OR1C1: variants seen among roughly 807,000 people sequenced by gnomAD.
OR1C1 encodes olfactory receptor family 1 subfamily C member 1.
For missense variants in OR1C1, 407 were observed against 384.3 expected, an observed-to-expected ratio of 1.06 and a Z score of -0.49; for synonymous variants, 153 against 154.6, an observed-to-expected ratio of 0.99 and a Z score of 0.08.
chr1:247,760,204 G>A (rs1040648494), intron 1 of OR1C1, among the ~76,000 whole-genome samples: 2 of 152,142 alleles, frequency 1.3e-5, no homozygotes, highest in African/African-American at 4.8e-5. Flanking sequence ...GAATATATGA[G>A]TTTTGCAAGA....
rs554796998 is a variant in OR1C1 at position 247,758,038 on chromosome 1, A to G, written c.369T>C (p.Tyr123=). Residue 123 remains tyrosine (Y), a synonymous_variant, in exon 2 of 2, where the codon TAT becomes TAC. Coordinates refer to ENST00000641256, the MANE Select transcript of OR1C1 (RefSeq NM_012353.3). Reference sequence around the variant, plus strand: ...AATGTAAGGGGTGGCAAATCGCCACATATCTATCATACGCCATCACACACA... The same window carrying G: ...AATGTAAGGGGTGGCAAATCGCCACGTATCTATCATACGCCATCACACACA... ...LLLCVMAYDR[Y]VAICHPLHYT... is the part of the protein sequence containing the mutation. 4 of 1,614,018 alleles carry G rather than the reference A, an allele frequency of 2.5e-6. No homozygotes were observed. Among genetic ancestry groups the G allele is most frequent in the Non-Finnish European group, 3.4e-6 (4 of 1,180,010 alleles).
Position 247,757,827 on chromosome 1 carries a change from A to C in OR1C1, c.580T>G (p.Phe194Val), listed in dbSNP as rs1420773062. The change falls in exon 2 of 2, where the codon TTC becomes GTC. Residue 194 changes from phenylalanine to valine, a missense_variant. Physicochemically the swap from Phe to Val is conservative, Grantham distance 50 (BLOSUM62 -1). Coordinates refer to ENST00000641256, the MANE Select transcript of OR1C1 (RefSeq NM_012353.3). ...ACTGCAAAAATGATCATTACATTGA[A>C]GGAGACGTCAGAGCAAGAGAGCTGC... ...LLQLSCSDVSFNVMIIFAVGG... is the reference protein window; with the variant it reads ...LLQLSCSDVSVNVMIIFAVGG... 1.2e-6 allele frequency: 2 copies of C among 1,613,908 alleles called. No homozygotes were observed. Among genetic ancestry groups the C allele is most frequent in the African/African-American group, 2.7e-5 (2 of 74,942 alleles).
chr1:247,759,841 G>A (rs1661297968), intron 1 of OR1C1, among the ~76,000 whole-genome samples: 1 of 152,148 alleles, frequency 6.6e-6, no homozygotes, highest in African/African-American at 2.4e-5. Context: ...AAGCATGTCA[G>A]GATAAAATCT....
At chr1:247,760,045 A>G (rs1323586977) in intron 1 of OR1C1, among the ~76,000 whole-genome samples, 1 of 152,200 alleles carries the variant, frequency 6.6e-6, no homozygotes, top group Non-Finnish European at 1.5e-5. Flanking sequence ...AGTTAGTGAA[A>G]TTTTAAGGAA....
Position 247,759,521 on chromosome 1 carries a change from T to C in OR1C1, c.-14+891A>G, listed in dbSNP as rs532924744. On this transcript the variant is annotated intron_variant, in intron 1 of 1. Coordinates refer to ENST00000641256, the MANE Select transcript of OR1C1 (RefSeq NM_012353.3). ...TGTAGAAGTGGGAAGAGATTTGGAA[T>C]TTTTAGTCCAAGTATCATTATTTTC... is the stretch of plus-strand genomic sequence containing the variant. Among the ~76,000 whole-genome samples, 5 of 152,352 alleles carry C rather than the reference T, an allele frequency of 3.3e-5. No individual in the cohort carries two copies. The East Asian group carries it at 9.6e-4, about 29-fold the overall frequency.
Position 247,757,981 on chromosome 1 carries a change from G to T in OR1C1, c.426C>A (p.Val142=), listed in dbSNP as rs1423894832. The T allele has an allele frequency of 6.2e-7, 1 of 1,613,964 alleles. No homozygotes were observed. Among genetic ancestry groups the T allele is most frequent in the Non-Finnish European group, 8.5e-7 (1 of 1,180,022 alleles). The part of the protein sequence containing the change: ...YTARMNLCLC[V]QLVAGLWLVT... The stretch of plus-strand genomic sequence containing the variant: ...CAAGCCACAGTCCAGCCACTAGCTG[G>T]ACACAAAGGCACAGGTTCATTCTGG... Residue 142 remains valine (V), a synonymous_variant, in exon 2 of 2, where the codon GTC becomes GTA. Transcript: ENST00000641256.
rs1661193054 is a variant in OR1C1, at chr1:247,755,376, A to C, written c.*2086T>G. On this transcript the variant is annotated 3_prime_UTR_variant, in exon 2 of 2. Coordinates refer to ENST00000641256, the MANE Select transcript of OR1C1 (RefSeq NM_012353.3). Reference sequence around the variant, plus strand: ...CCAACAGAATGAAGAGATGACCTACAAAATGGGAGAAAATATTTGCAAATC... The same window carrying C: ...CCAACAGAATGAAGAGATGACCTACCAAATGGGAGAAAATATTTGCAAATC... The C allele has an allele frequency of 6.6e-6, 1 of 152,200 alleles. No homozygotes were observed. The allele number at this position is 152,200 out of a possible 1,614,324, so 9.4% of individuals were successfully genotyped here.
At chr1:247,759,236 A>T (rs1439043769) in intron 1 of OR1C1, among the ~76,000 whole-genome samples, 1 of 152,224 alleles carries the variant, frequency 6.6e-6, no homozygotes, top group East Asian at 1.9e-4. Context: ...CAAATTATAC[A>T]AAGTGTTGTA....
rs965114810 is a variant in OR1C1, at chr1:247,757,291, A to G, written c.*171T>C. 35 of 588,510 alleles carry G rather than the reference A, an allele frequency of 5.9e-5. No homozygotes were observed. The highest frequency in any genetic ancestry group is 8.4e-5 in the Non-Finnish European group (28 of 332,382). The allele number at this position is 588,510 out of a possible 1,614,324, so 36.5% of individuals were successfully genotyped here. Reference sequence around the variant, plus strand: ...ATAAAGAATGCTATATGGTTTTTATATATTTACTCAGAGGATTTAATGTGA... The same window carrying G: ...ATAAAGAATGCTATATGGTTTTTATGTATTTACTCAGAGGATTTAATGTGA... On this transcript the variant is annotated 3_prime_UTR_variant, in exon 2 of 2. Coordinates refer to ENST00000641256, the MANE Select transcript of OR1C1 (RefSeq NM_012353.3).
chr1:247,757,558 C>T lies in OR1C1; in HGVS notation c.849G>A (p.Pro283=), dbSNP rs185251055. ...LSTIMYSMVA[P]MLNPFIYTLR... is the part of the protein sequence containing the mutation. ...GGGTATAGATGAAAGGATTCAGCAT[C>T]GGAGCCACCATTGAATACATGATGG... Residue 283 remains proline (P), a synonymous_variant, in exon 2 of 2, where the codon CCG becomes CCA. Transcript: ENST00000641256. The T allele has an allele frequency of 1.7e-4, 273 of 1,614,026 alleles. 1 individual carries two copies. The African/African-American group carries it at 3.1e-3, about 18-fold the overall frequency.
chr1:247,759,641 T>C (rs1661294583), intron 1 of OR1C1, among the ~76,000 whole-genome samples: 1 of 152,196 alleles, frequency 6.6e-6, no homozygotes, highest in Non-Finnish European at 1.5e-5. Context: ...CTAGATAATA[T>C]ACATGTTCTG....
rs768829200 is a variant in OR1C1 at position 247,756,719 on chromosome 1, C to T, written c.*743G>A. 1.3e-5 allele frequency: 2 copies of T among 152,114 alleles called. No homozygotes were observed. The highest frequency in any genetic ancestry group is 2.9e-5 in the Non-Finnish European group (2 of 68,018). 9.4% of individuals were successfully genotyped at this position (152,114 alleles called of 1,614,324 possible). ...AAAACCCAAGGGATTGGGCATGAGG[C>T]TTTGTTTTGAAAGAAGTTAATGTAT... On this transcript the variant is annotated 3_prime_UTR_variant, in exon 2 of 2. Coordinates refer to ENST00000641256, the MANE Select transcript of OR1C1 (RefSeq NM_012353.3). The surrounding 1 kb of genome is among the most constrained non-coding windows in gnomAD (Gnocchi z 4.3).
In OR1C1 at chr1:247,757,994, A is replaced by G; in HGVS notation, c.413T>C (p.Leu138Pro). 6.2e-7 allele frequency: 1 copy of G among 1,614,162 alleles called. No individual in the cohort carries two copies. Among genetic ancestry groups the G allele is most frequent in the Middle Eastern group, 1.6e-4 (1 of 6,062 alleles). Reference protein sequence around the residue: ...HPLHYTARMNLCLCVQLVAGL... With the variant: ...HPLHYTARMNPCLCVQLVAGL... ...AGCCACTAGCTGGACACAAAGGCAC[A>G]GGTTCATTCTGGCGGTGTAATGTAA... The change falls in exon 2 of 2, where the codon CTG (leucine) becomes CCG (proline). Residue 138 changes from leucine (L) to proline (P), a missense_variant. Leu to Pro is a moderately conservative substitution (Grantham distance 98). Coordinates refer to ENST00000641256, the MANE Select transcript of OR1C1 (RefSeq NM_012353.3).
In OR1C1 at chr1:247,757,657, C is replaced by T; in HGVS notation, c.750G>A (p.Leu250=). The T allele has an allele frequency of 1.2e-6, 2 of 1,614,064 alleles. No individual in the cohort carries two copies. The highest frequency in any genetic ancestry group is 1.1e-5 in the South Asian group (1 of 91,078). The change falls in exon 2 of 2, where the codon TTG becomes TTA. Residue 250 remains leucine, a synonymous_variant. Coordinates refer to ENST00000641256, the MANE Select transcript of OR1C1 (RefSeq NM_012353.3). The part of the protein sequence containing the change: ...TCSCHLSVVV[L]FYGTAIAVYF... Reference sequence around the variant, plus strand: ...AGACGGCGATGGCTGTGCCGTAAAACAACACCACCACTGACAGGTGGCAGC... The same window carrying T: ...AGACGGCGATGGCTGTGCCGTAAAATAACACCACCACTGACAGGTGGCAGC...
chr1:247,760,096 C>T lies in OR1C1; in HGVS notation c.-14+316G>A, dbSNP rs1416679302. Among the ~76,000 whole-genome samples the T allele has an allele frequency of 3.3e-5, 5 of 152,258 alleles. No homozygotes were observed. In the East Asian group the frequency reaches 9.6e-4, roughly 29 times the overall value. On this transcript the variant is annotated intron_variant, in intron 1 of 1. Transcript: ENST00000641256. The stretch of plus-strand genomic sequence containing the variant: ...TATATTGAATCCTTAGGATATAACA[C>T]ATATATGCACGTAGTTTGCACAGAG...
In OR1C1 at chr1:247,758,137, C is replaced by T; in HGVS notation, c.270G>A (p.Lys90=). 1 of 1,614,034 alleles carries T rather than the reference C, an allele frequency of 6.2e-7. No homozygotes were observed. The highest frequency in any genetic ancestry group is 8.5e-7 in the Non-Finnish European group (1 of 1,179,978). The part of the protein sequence containing the change: ...QMVVNILTGT[K]TISFAGCLTQ... ...TGAGGCAGCCTGCAAAAGAGATAGTCTTGGTGCCAGTCAAGATATTCACTA... is the reference window on the plus strand; with the variant it reads ...TGAGGCAGCCTGCAAAAGAGATAGTTTTGGTGCCAGTCAAGATATTCACTA... The change falls in exon 2 of 2, where the codon AAG becomes AAA. Residue 90 remains lysine (K), a synonymous_variant. Coordinates refer to ENST00000641256, the MANE Select transcript of OR1C1 (RefSeq NM_012353.3).
At position 247,754,902 on chromosome 1, in the gene OR1C1, T is replaced by C. The variant is rs1661183230; in HGVS notation, c.*2560A>G. 1 of 152,180 alleles carries C rather than the reference T, an allele frequency of 6.6e-6. No individual in the cohort carries two copies. The highest frequency in any genetic ancestry group is 2.4e-5 in the African/African-American group (1 of 41,456). 9.4% of individuals were successfully genotyped at this position (152,180 alleles called of 1,614,324 possible). ...AAAACATCCCTGTGTACTCCATAAG[T>C]GTGTATGATTATTTTATGCCAATTA... On this transcript the variant is annotated 3_prime_UTR_variant, in exon 2 of 2. Transcript: ENST00000641256.
rs1372039161 is a variant in OR1C1, at chr1:247,757,739, G to A, written c.668C>T (p.Ser223Phe). Residue 223 changes from serine (S) to phenylalanine (F), a missense_variant, in exon 2 of 2, where the codon TCC (serine) becomes TTC (phenylalanine). Coordinates refer to ENST00000641256, the MANE Select transcript of OR1C1 (RefSeq NM_012353.3). ...CILVSYGLIFSTVLKITSTQG... is the reference protein window; with the variant it reads ...CILVSYGLIFFTVLKITSTQG... ...AGTAGAGGTGATCTTCAGAACAGTG[G>A]AGAAGATAAGTCCATAAGATACGAG... The A allele has an allele frequency of 6.2e-7, 1 of 1,613,942 alleles. No homozygotes were observed. Among genetic ancestry groups the A allele is most frequent in the Non-Finnish European group, 8.5e-7 (1 of 1,179,998 alleles).
At position 247,758,101 on chromosome 1, in the gene OR1C1, G is replaced by T; in HGVS notation, c.306C>A (p.Phe102Leu). ...ISFAGCLTQLFFFVSFVNMDS... is the reference protein window; with the variant it reads ...ISFAGCLTQLLFFVSFVNMDS... ...CCATATTCACAAAAGAAACGAAGAA[G>T]AAGAGCTGGGTGAGGCAGCCTGCAA... The change falls in exon 2 of 2, where the codon TTC becomes TTA. Residue 102 changes from phenylalanine to leucine, a missense_variant. Physicochemically the swap from Phe to Leu is conservative, Grantham distance 22. Coordinates refer to ENST00000641256, the MANE Select transcript of OR1C1 (RefSeq NM_012353.3). The T allele has an allele frequency of 6.2e-7, 1 of 1,614,106 alleles. No individual in the cohort carries two copies. The highest frequency in any genetic ancestry group is 1.1e-5 in the South Asian group (1 of 91,068).
Sources: gnomAD v4.1 joint callset for allele counts (sites outside exome capture counted in the v4.1 genomes callset) on GRCh38, gnomAD v4.1.1 for gene constraint, Gnocchi (gnomAD v3.1) non-coding constraint, MANE v1.5 for transcripts, NCBI Gene and HGNC (gene_info 2026-07-23, HGNC 2026-07-21) for gene names.